The following WWOX variants were observed in gnomAD, a reference collection of about 807,000 sequenced individuals.
The protein encoded by WWOX is WW domain-containing oxidoreductase.
A neutral mutation model predicts 46.2 loss-of-function variants in WWOX; 69 were observed. That is an observed-to-expected ratio of 1.49 (90% confidence interval 1.23 to 1.82). The LOEUF (loss-of-function observed/expected upper bound fraction) is 1.82, where lower values mean the gene tolerates loss of function less well. WWOX is among the 40% of genes most tolerant of loss of function. The pLI, the probability that WWOX is intolerant of heterozygous loss-of-function variation, is 0.00. For synonymous variants in WWOX, 359 were observed against 202.6 expected (o/e 1.77, Z -6.56); for missense variants, 919 against 542.6 (o/e 1.69, Z -6.89).
At chr16:78,338,420 T>A (rs9937768) in intron 5 of WWOX, among the ~76,000 whole-genome samples, 13,390 of 119,864 alleles carry the variant, frequency 0.11, 4,129 homozygotes, top group African/African-American at 0.33. Flanking sequence ...TGTCTGTTTA[T>A]TTTTTTTGCC....
intron 8 of WWOX, among the ~76,000 whole-genome samples, chr16:78,843,319 G>C (rs2052210558): frequency 6.7e-6 from 1 of 149,996 alleles, no homozygotes; most frequent in Non-Finnish European, 1.5e-5. Flanking sequence ...TTTTGGGCTG[G>C]TAAAGCCACC....
chr16:78,404,451 C>A (rs894374710), intron 6 of WWOX, among the ~76,000 whole-genome samples: 3 of 152,068 alleles, frequency 2.0e-5, no homozygotes, highest in African/African-American at 4.8e-5. Flanking sequence ...ACAGAAAGAA[C>A]CAATTCCCTC....
chr16:78,267,926 TC>T (rs1423071595), intron 5 of WWOX, among the ~76,000 whole-genome samples: 1 of 152,150 alleles, frequency 6.6e-6, no homozygotes, highest in African/African-American at 2.4e-5. Context: ...CAAGTGATCC[TC>T]CCACCTCAGC....
At chr16:78,850,787 C>G (rs774951917) in intron 8 of WWOX, among the ~76,000 whole-genome samples, 1 of 152,072 alleles carries the variant, frequency 6.6e-6, no homozygotes, top group Non-Finnish European at 1.5e-5. Context: ...ATATTGATAC[C>G]CCTGGTCTTT....
intron 4 of WWOX, among the ~76,000 whole-genome samples, chr16:78,117,878 C>A (rs567273255): frequency 6.6e-6 from 1 of 152,092 alleles, no homozygotes; most frequent in East Asian, 1.9e-4. Context: ...ATCTTTAACC[C>A]TGTGAATGTC....
intron 8 of WWOX, among the ~76,000 whole-genome samples, chr16:79,178,431 C>T (rs554378943): frequency 6.6e-6 from 1 of 152,020 alleles, no homozygotes; most frequent in African/African-American, 2.4e-5. Flanking sequence ...GTCTTCTTGC[C>T]TTAGCCACCC....
chr16:78,562,470 G>A (rs1462141029), intron 8 of WWOX, among the ~76,000 whole-genome samples: 2 of 152,180 alleles, frequency 1.3e-5, no homozygotes, highest in Admixed American at 1.3e-4. Context: ...AGGCAAGCAA[G>A]GCCCCTAACC....
At chr16:78,191,281 G>A (rs780725590) in intron 5 of WWOX, among the ~76,000 whole-genome samples, 2 of 152,188 alleles carry the variant, frequency 1.3e-5, no homozygotes, top group Non-Finnish European at 2.9e-5. Context: ...GGTGAACAGG[G>A]TGCAGGCTGG....
intron 8 of WWOX, among the ~76,000 whole-genome samples, chr16:78,979,111 C>T (rs368495803): frequency 4.1e-5 from 6 of 146,644 alleles, no homozygotes; most frequent in Admixed American, 1.4e-4. Context: ...CCTATACAGA[C>T]ACAGGAAGTA....
intron 8 of WWOX, among the ~76,000 whole-genome samples, chr16:78,602,277 G>T (rs1239104431): frequency 6.6e-6 from 1 of 152,176 alleles, no homozygotes; most frequent in Non-Finnish European, 1.5e-5. Context: ...CTGACAGCCA[G>T]ACTGGAGTGC....
chr16:78,828,384 C>G (rs980595335), intron 8 of WWOX, among the ~76,000 whole-genome samples: 4 of 152,092 alleles, frequency 2.6e-5, no homozygotes, highest in South Asian at 2.1e-4. Context: ...ACGGTTAGGA[C>G]CAACATTTAG....
At chr16:78,489,023 C>G (rs2084712234) in intron 8 of WWOX, among the ~76,000 whole-genome samples, 1 of 152,162 alleles carries the variant, frequency 6.6e-6, no homozygotes, top group South Asian at 2.1e-4. Context: ...AAATCCTGCT[C>G]TGGGCCAGCC....
intron 5 of WWOX, among the ~76,000 whole-genome samples, chr16:78,367,106 A>C (rs564536729): frequency 2.1e-4 from 32 of 151,240 alleles, no homozygotes; most frequent in African/African-American, 6.3e-4. Context: ...CAGCCTCCTA[A>C]GTAGCTGGTA....
chr16:78,860,693 A>G (rs749403565), intron 8 of WWOX, among the ~76,000 whole-genome samples: 2 of 152,248 alleles, frequency 1.3e-5, no homozygotes, highest in Non-Finnish European at 2.9e-5. Flanking sequence ...TCTTCCTGTT[A>G]GCAGTGCCAA....
intron 8 of WWOX, chr16:79,206,592 G>A (rs2051519951): frequency 6.6e-6 from 1 of 152,230 alleles, no homozygotes; most frequent in Admixed American, 6.5e-5. Context: ...CACTTGAATA[G>A]TACTCGTTGG....
At chr16:78,775,464 C>G (rs2142535195) in intron 8 of WWOX, among the ~76,000 whole-genome samples, 1 of 152,292 alleles carries the variant, frequency 6.6e-6, no homozygotes. Flanking sequence ...TACCCAGACT[C>G]ATTTCTCATC....
chr16:79,144,380 G>C (rs557356629), intron 8 of WWOX, among the ~76,000 whole-genome samples: 6 of 152,208 alleles, frequency 3.9e-5, no homozygotes, highest in African/African-American at 1.4e-4. Flanking sequence ...CAGGAGTTAC[G>C]AATGCCCAGC....
chr16:78,514,527 A>G (rs1234469152), intron 8 of WWOX, among the ~76,000 whole-genome samples: 2 of 152,182 alleles, frequency 1.3e-5, no homozygotes, highest in South Asian at 2.1e-4. Context: ...GTACACTTAG[A>G]TAGGCATCAT....
intron 8 of WWOX, among the ~76,000 whole-genome samples, chr16:78,790,239 A>G (rs546106337): frequency 1.3e-5 from 2 of 152,076 alleles, no homozygotes; most frequent in South Asian, 2.1e-4. Flanking sequence ...GGTTCAGGTG[A>G]TTGTCCTGCC....
Sources: gnomAD v4.1 joint callset for allele counts (sites outside exome capture counted in the v4.1 genomes callset) on GRCh38, gnomAD v4.1.1 for gene constraint, MANE v1.5 for transcripts, NCBI Gene and HGNC (gene_info 2026-07-23, HGNC 2026-07-21) for gene names.